Variants in PCDHGA5 observed in about 807,000 individuals in gnomAD.
PCDHGA5 encodes the protein protocadherin gamma subfamily A, 5, also known as protocadherin gamma-A5.
PCDHGA5 carries 36 observed loss-of-function variants against 56.7 expected under a neutral mutation model. The ratio of observed to expected loss-of-function variants is 0.64; its 90% CI spans 0.49 to 0.84. PCDHGA5 has a LOEUF of 0.84. PCDHGA5 is among the 40% of genes least tolerant of loss of function. PCDHGA5 has a pLI of 0.00. For synonymous variants in PCDHGA5, 563 were observed against 520.2 expected (o/e 1.08, Z -1.12); for missense variants, 1,305 against 1,201.5 (o/e 1.09, Z -1.27).
At chr5:141,428,618 T>C (rs554092834) in intron 1 of PCDHGA5, 1 of 206,012 alleles carries the variant, frequency 4.9e-6, no homozygotes, top group African/African-American at 2.3e-5. Context: ...AATAACAAGA[T>C]AAGCTCTAAC....
At chr5:141,404,039 G>A in intron 1 of PCDHGA5, 1 of 1,613,750 alleles carries the variant, frequency 6.2e-7, no homozygotes, top group Non-Finnish European at 8.5e-7. Context: ...CGCACCTCAG[G>A]GAACAGTAAT....
chr5:141,433,307 C>A, intron 1 of PCDHGA5: 1 of 913,756 alleles, frequency 1.1e-6, no homozygotes, highest in Non-Finnish European at 1.6e-6. Flanking sequence ...AATTATCCCA[C>A]CTTTGCCTCC....
At chr5:141,374,931 A>C in intron 1 of PCDHGA5, 1 of 1,614,022 alleles carries the variant, frequency 6.2e-7, no homozygotes, top group Non-Finnish European at 8.5e-7. Flanking sequence ...TCCTTTGTGA[A>C]GATTACAGAA....
At position 141,364,951 on chromosome 5, in the gene PCDHGA5, T is replaced by G; in HGVS notation, c.621T>G (p.Val207=). ...EQPLDREKET[V]HDLLLTALDG... is the part of the protein sequence containing the mutation. ...CCCTAGACCGCGAGAAAGAGACTGT[T>G]CACGACCTCCTCCTCACAGCTTTAG... The change falls in exon 1 of 4, where the codon GTT becomes GTG. Residue 207 remains valine, a synonymous_variant. Transcript: ENST00000518069. 6.2e-7 allele frequency: 1 copy of G among 1,613,774 alleles called. No individual in the cohort carries two copies. Among genetic ancestry groups the G allele is most frequent in the East Asian group, 2.2e-5 (1 of 44,880 alleles).
At chr5:141,376,598 T>C (rs1266574901) in intron 1 of PCDHGA5, 35 of 1,542,956 alleles carry the variant, frequency 2.3e-5, no homozygotes, top group Admixed American at 1.7e-4. Context: ...TCGGCTGTTA[T>C]AGAAGCGAAC....
rs755130135 is a variant in PCDHGA5 at position 141,431,477 on chromosome 5, C to A, written c.2422-63330C>A. On this transcript the variant is annotated intron_variant, in intron 1 of 3. Coordinates refer to ENST00000518069, the MANE Select transcript of PCDHGA5 (RefSeq NM_018918.3). The surrounding 1 kb of genome is among the most constrained non-coding windows in gnomAD (Gnocchi z 4.8). ...GGTTCTGGATGCGAACGACAACGCA[C>A]CAGCGTTTGCTCAGCCCGAGTACCG... is the stretch of plus-strand genomic sequence containing the variant. 40 of 1,613,768 alleles carry A rather than the reference C, an allele frequency of 2.5e-5. No individual in the cohort carries two copies. The highest frequency in any genetic ancestry group is 3.3e-5 in the Admixed American group (2 of 60,008).
At chr5:141,471,075 G>T (rs574363005) in intron 1 of PCDHGA5, among the ~76,000 whole-genome samples, 1 of 143,346 alleles carries the variant, frequency 7.0e-6, no homozygotes, top group East Asian at 2.0e-4. Context: ...TTGAGACAGG[G>T]TCTCCCTCTG....
Position 141,432,809 on chromosome 5 carries a change from T to A in PCDHGA5, c.2422-61998T>A. ...CGGCAGCCTCGAGTCTCCAGCTAAC[T>A]CTGAAACCTCAGACCTCACTCTGTA... is the stretch of plus-strand genomic sequence containing the variant. On this transcript the variant is annotated intron_variant, in intron 1 of 3. Coordinates refer to ENST00000518069, the MANE Select transcript of PCDHGA5 (RefSeq NM_018918.3). This position sits in a 1 kb window ranked among gnomAD's most constrained non-coding sequence, Gnocchi z 6.0. The A allele has an allele frequency of 6.2e-7, 1 of 1,613,398 alleles. No homozygotes were observed. Among genetic ancestry groups the A allele is most frequent in the Non-Finnish European group, 8.5e-7 (1 of 1,179,980 alleles).
chr5:141,497,649 C>T (rs973501351), intron 2 of PCDHGA5, among the ~76,000 whole-genome samples: 1 of 151,784 alleles, frequency 6.6e-6, no homozygotes, highest in Non-Finnish European at 1.5e-5. Context: ...AAGCGATTCT[C>T]CTGCCTCAGC....
chr5:141,380,361 G>GA (rs980591138), intron 1 of PCDHGA5, among the ~76,000 whole-genome samples: 103 of 151,620 alleles, frequency 6.8e-4, no homozygotes, highest in South Asian at 1.2e-3. Flanking sequence ...TTGTTTTTTA[G>GA]AAAAAAAAGT....
intron 1 of PCDHGA5, chr5:141,375,151 T>A (rs1771184032): frequency 6.2e-7 from 1 of 1,613,844 alleles, no homozygotes; most frequent in African/African-American, 1.3e-5. Context: ...GCAGAACAAT[T>A]GCTGAAAGTG....
chr5:141,458,390 C>T (rs2098944487), intron 1 of PCDHGA5, among the ~76,000 whole-genome samples: 1 of 152,058 alleles, frequency 6.6e-6, no homozygotes, highest in Non-Finnish European at 1.5e-5. Context: ...GAAGACGCTC[C>T]CCCTTGCAGA....
At chr5:141,406,650 C>T (rs2094835563) in intron 1 of PCDHGA5, among the ~76,000 whole-genome samples, 1 of 152,130 alleles carries the variant, frequency 6.6e-6, no homozygotes, top group Non-Finnish European at 1.5e-5. Context: ...TTTCCTAATG[C>T]TTTAATGTTA....
intron 1 of PCDHGA5, among the ~76,000 whole-genome samples, chr5:141,380,672 T>C (rs1401105927): frequency 1.3e-5 from 2 of 152,212 alleles, no homozygotes; most frequent in Non-Finnish European, 1.5e-5. Context: ...CTCCATAGGG[T>C]ATGTATGCTT....
At chr5:141,439,741 A>C (rs1303886454) in intron 1 of PCDHGA5, 1 of 152,352 alleles carries the variant, frequency 6.6e-6, no homozygotes, top group African/African-American at 2.4e-5. Flanking sequence ...AACGGAACGG[A>C]TTTACAGGCA....
rs138149681 is a variant in PCDHGA5, at chr5:141,486,735, G to A, written c.2422-8072G>A. Reference sequence around the variant, plus strand: ...CAGACAGGAGCTGTTCATGCTACTCGATCCTTTGACTATGAGCAAACCCAG... The same window carrying A: ...CAGACAGGAGCTGTTCATGCTACTCAATCCTTTGACTATGAGCAAACCCAG... On this transcript the variant is annotated intron_variant, in intron 1 of 3. Transcript: ENST00000518069. The surrounding 1 kb of genome is among the most constrained non-coding windows in gnomAD (Gnocchi z 5.0). 3.1e-4 allele frequency: 502 copies of A among 1,614,174 alleles called. 1 individual carries two copies. Among genetic ancestry groups the A allele is most frequent in the South Asian group, 1.8e-3 (161 of 91,086 alleles).
At chr5:141,400,172 C>G in intron 1 of PCDHGA5, 1 of 1,614,082 alleles carries the variant, frequency 6.2e-7, no homozygotes, top group Non-Finnish European at 8.5e-7. Context: ...GACCCCCAGG[C>G]TGAGCTGCAG....
At position 141,477,483 on chromosome 5, in the gene PCDHGA5, A is replaced by T; in HGVS notation, c.2422-17324A>T. ...TCCGACATCAATGACAACCCTCCAC[A>T]ATCTTCTCAATCTTCCTACGACGTT... On this transcript the variant is annotated intron_variant, in intron 1 of 3. Coordinates refer to ENST00000518069, the MANE Select transcript of PCDHGA5 (RefSeq NM_018918.3). The surrounding 1 kb of genome is among the most constrained non-coding windows in gnomAD (Gnocchi z 4.9). 1 of 1,614,028 alleles carries T rather than the reference A, an allele frequency of 6.2e-7. No homozygotes were observed.
intron 1 of PCDHGA5, chr5:141,440,535 G>A (rs1305958587): frequency 1.3e-5 from 2 of 152,154 alleles, no homozygotes; most frequent in East Asian, 1.9e-4. Flanking sequence ...CATGCACCAC[G>A]GTTCAGCAGG....
Sources: gnomAD v4.1 joint callset for allele counts (sites outside exome capture counted in the v4.1 genomes callset) on GRCh38, gnomAD v4.1.1 for gene constraint, Gnocchi (gnomAD v3.1) non-coding constraint, MANE v1.5 for transcripts, NCBI Gene and HGNC (gene_info 2026-07-23, HGNC 2026-07-21) for gene names.